RPS6KA2: variants seen among roughly 807,000 people sequenced by gnomAD.
The protein encoded by RPS6KA2 is ribosomal protein S6 kinase alpha-2.
RPS6KA2 carries 42 observed loss-of-function variants against 91.8 expected under a neutral mutation model. That is an observed-to-expected ratio of 0.46 (90% CI 0.36 to 0.59). The LOEUF is 0.59. Ranked by LOEUF, RPS6KA2 falls within the 20% of genes least tolerant of loss-of-function variation. The pLI is 0.00. For missense variants in RPS6KA2, 798 were observed against 978.5 expected (o/e 0.82, Z 2.46); for synonymous variants, 414 against 393.6 (o/e 1.05, Z -0.61).
chr6:166,681,522 C>T (rs1440920559), intron 2 of RPS6KA2, among the ~76,000 whole-genome samples: 2 of 152,024 alleles, frequency 1.3e-5, no homozygotes, highest in Non-Finnish European at 2.9e-5. Context: ...ACCAGTGTGA[C>T]CAGTGCTGAT....
At chr6:166,615,224 C>T (rs964620340) in intron 1 of RPS6KA2, among the ~76,000 whole-genome samples, 2 of 152,202 alleles carry the variant, frequency 1.3e-5, no homozygotes, top group Non-Finnish European at 2.9e-5. Context: ...GACTGGGAAA[C>T]AAGCATAGAT....
At chr6:166,617,934 G>C (rs983813434) in intron 1 of RPS6KA2, among the ~76,000 whole-genome samples, 9 of 152,340 alleles carry the variant, frequency 5.9e-5, no homozygotes, top group Admixed American at 4.6e-4. Context: ...GAGGTTTTCT[G>C]TAAATTCACA....
In RPS6KA2 at chr6:166,636,344, G is replaced by A. The variant is rs117652187; in HGVS notation, c.124-97560C>T. Reference sequence around the variant, plus strand: ...GACAGGCTTGAATCAGCGCCTCCCTGCAGAGGCCTTTCTGGATAGCCTATC... The same window carrying A: ...GACAGGCTTGAATCAGCGCCTCCCTACAGAGGCCTTTCTGGATAGCCTATC... On this transcript the variant is annotated intron_variant, in intron 2 of 21. Transcript: ENST00000503859. Among the ~76,000 whole-genome samples, 455 of 152,050 alleles carry A rather than the reference G, an allele frequency of 3.0e-3. 15 individuals carry two copies. In the East Asian group the frequency reaches 0.071, roughly 24 times the overall value.
intron 1 of RPS6KA2, among the ~76,000 whole-genome samples, 196 bp from the exon 2 acceptor site, chr6:166,538,980 G>T (rs1454651260): frequency 6.6e-6 from 1 of 151,656 alleles, no homozygotes; most frequent in Non-Finnish European, 1.5e-5. Flanking sequence ...CTGTCTCCCA[G>T]GCTGGAGTGC....
At position 166,419,148 on chromosome 6, in the gene RPS6KA2, T is replaced by C. The variant is rs981623910; in HGVS notation, c.1820+734A>G. On this transcript the variant is annotated intron_variant, in intron 18 of 20. Coordinates refer to ENST00000265678, the MANE Select transcript of RPS6KA2 (RefSeq NM_021135.6). This position sits in a 1 kb window ranked among gnomAD's most constrained non-coding sequence, Gnocchi z 5.6. The stretch of plus-strand genomic sequence containing the variant: ...AGCAGGCCAAGCTCATTCATTCTCA[T>C]GAGGGCATTCAAGCCATTTTGCTAC... Among the ~76,000 whole-genome samples, 3 of 152,258 alleles carry C rather than the reference T, an allele frequency of 2.0e-5. No individual in the cohort carries two copies. Among genetic ancestry groups the C allele is most frequent in the Admixed American group, 6.5e-5 (1 of 15,290 alleles).
intron 2 of RPS6KA2, among the ~76,000 whole-genome samples, chr6:166,856,516 G>A (rs538090640): frequency 6.6e-6 from 1 of 152,340 alleles, no homozygotes; most frequent in African/African-American, 2.4e-5. Context: ...AGGACATGGT[G>A]TTATGGAATC....
chr6:166,486,770 T>C (rs1020585168), intron 10 of RPS6KA2, among the ~76,000 whole-genome samples: 7 of 151,374 alleles, frequency 4.6e-5, no homozygotes, highest in African/African-American at 7.3e-5. Context: ...TGCAATTCAG[T>C]CTAGACCCTG....
Position 166,737,527 on chromosome 6 carries a change from A to G in RPS6KA2, c.123+120673T>C, listed in dbSNP as rs1462350916. 7.0e-6 allele frequency among the ~76,000 whole-genome samples: 1 copy of G among 142,454 alleles called. No individual in the cohort carries two copies. Among genetic ancestry groups the G allele is most frequent in the Non-Finnish European group, 1.5e-5 (1 of 67,930 alleles). 93.5% of individuals were successfully genotyped at this position (142,454 alleles called of 152,430 possible). On this transcript the variant is annotated intron_variant, in intron 2 of 21. Transcript: ENST00000503859. The surrounding 1 kb of genome is among the most constrained non-coding windows in gnomAD (Gnocchi z 4.3). ...ATAAGCATCACACTCCAGAGGCATTAAAGAGAATTCTAAACGTCTCCTTTG... is the reference window on the plus strand; with the variant it reads ...ATAAGCATCACACTCCAGAGGCATTGAAGAGAATTCTAAACGTCTCCTTTG...
chr6:166,667,835 C>T (rs949239079), intron 2 of RPS6KA2, among the ~76,000 whole-genome samples: 2 of 152,168 alleles, frequency 1.3e-5, no homozygotes, highest in Admixed American at 6.5e-5. Context: ...AACCACAGCC[C>T]TTGGTGTCAT....
intron 3 of RPS6KA2, among the ~76,000 whole-genome samples, chr6:166,524,963 G>C (rs544796478): frequency 6.6e-6 from 1 of 152,130 alleles, no homozygotes; most frequent in Non-Finnish European, 1.5e-5. Flanking sequence ...CAATTCTCGC[G>C]CTCAGACCAA....
chr6:166,596,723 GTCAAT>G (rs1301675972), intron 1 of RPS6KA2, among the ~76,000 whole-genome samples: 4 of 152,282 alleles, frequency 2.6e-5, no homozygotes, highest in African/African-American at 9.6e-5. Context: ...GATGGTGTGA[GTCAAT>G]TCTCCTTAAT....
intron 2 of RPS6KA2, among the ~76,000 whole-genome samples, chr6:166,536,670 C>T (rs917589282): frequency 1.3e-5 from 2 of 152,174 alleles, no homozygotes; most frequent in African/African-American, 4.8e-5. Flanking sequence ...CCTCCTGCCC[C>T]GCCCCTCACA....
At chr6:166,812,111 T>C (rs1172076032) in intron 2 of RPS6KA2, among the ~76,000 whole-genome samples, 1 of 152,014 alleles carries the variant, frequency 6.6e-6, no homozygotes, top group East Asian at 1.9e-4. Context: ...TCCCAGAACT[T>C]TGGGAGGCCA....
intron 2 of RPS6KA2, among the ~76,000 whole-genome samples, chr6:166,751,250 G>A (rs1406875524): frequency 6.6e-6 from 1 of 152,244 alleles, no homozygotes; most frequent in Non-Finnish European, 1.5e-5. Flanking sequence ...TCTTCCCAAG[G>A]TGGAGGCAAG....
intron 1 of RPS6KA2, among the ~76,000 whole-genome samples, chr6:166,613,842 G>A (rs889323404): frequency 5.9e-5 from 9 of 152,034 alleles, no homozygotes; most frequent in African/African-American, 1.9e-4. Context: ...GGCTTTCCAC[G>A]GCCTTCAGGA....
At position 166,777,231 on chromosome 6, in the gene RPS6KA2, T is replaced by A. The variant is rs73264996; in HGVS notation, c.123+80969A>T. On this transcript the variant is annotated intron_variant, in intron 2 of 21. Coordinates refer to the RPS6KA2 transcript ENST00000503859. ...ACTTGTCCTGGGCTCAGGTTAACAATACATGGATTTTACGTCTTCTCTGAT... is the reference window on the plus strand; with the variant it reads ...ACTTGTCCTGGGCTCAGGTTAACAAAACATGGATTTTACGTCTTCTCTGAT... Among the ~76,000 whole-genome samples the A allele has an allele frequency of 4.4e-3, 668 of 152,296 alleles. 10 individuals carry two copies. Among genetic ancestry groups the A allele is most frequent in the African/African-American group, 0.015 (628 of 41,546 alleles).
intron 2 of RPS6KA2, among the ~76,000 whole-genome samples, chr6:166,673,403 G>T (rs1041715918): frequency 2.6e-5 from 4 of 152,236 alleles, no homozygotes; most frequent in African/African-American, 9.6e-5. Flanking sequence ...CTGCACTGAG[G>T]TCTGGCTGCC....
chr6:166,701,201 C>G (rs1230480571), intron 2 of RPS6KA2: 2 of 1,612,068 alleles, frequency 1.2e-6, no homozygotes. Flanking sequence ...ACCTGGCAAG[C>G]ATAGAAGTGA....
Position 166,412,772 on chromosome 6 carries a change from G to A in RPS6KA2, c.2192C>T (p.Thr731Met). 3 of 1,598,226 alleles carry A rather than the reference G, an allele frequency of 1.9e-6. No individual in the cohort carries two copies. The highest frequency in any genetic ancestry group is 2.6e-6 in the Non-Finnish European group (3 of 1,174,246). Residue 731 changes from threonine (T) to methionine (M), a missense_variant, in exon 21 of 21, where the codon ACG becomes ATG. Thr to Met is a moderately conservative substitution (Grantham distance 81). Transcript: ENST00000265678. The surrounding 1 kb of genome is among the most constrained non-coding windows in gnomAD (Gnocchi z 4.3). ...CCAGGGTCCCACCCGCTACAGCCGC[G>A]TGGACGTGAGTCTCTTCATGCCTCT... is the stretch of plus-strand genomic sequence containing the variant. Reference protein sequence around the residue: ...QRRGMKRLTSTRL With the variant: ...QRRGMKRLTSMRL
Sources: gnomAD v4.1 joint callset for allele counts (sites outside exome capture counted in the v4.1 genomes callset) on GRCh38, gnomAD v4.1.1 for gene constraint, Gnocchi (gnomAD v3.1) non-coding constraint, MANE v1.5 for transcripts, NCBI Gene and HGNC (gene_info 2026-07-23, HGNC 2026-07-21) for gene names.